CXXC1: variants seen among roughly 807,000 people sequenced by gnomAD.
The protein encoded by CXXC1 is CXXC finger protein 1.
CXXC1 carries 21 observed loss-of-function variants against 83.6 expected under a neutral mutation model. The ratio of observed to expected loss-of-function variants is 0.25; its 90% confidence interval spans 0.18 to 0.36. CXXC1 has a LOEUF of 0.36. CXXC1 is among the 10% of genes least tolerant of loss of function. The pLI, the probability that CXXC1 is intolerant of heterozygous loss-of-function variation, is 1.00. For missense variants in CXXC1, 688 were observed against 919.5 expected (o/e 0.75, Z 3.26); for synonymous variants, 371 against 337.5 (o/e 1.10, Z -1.09).
At chr18:50,283,096 G>T (rs1357878591) in intron 13 of CXXC1, 90 bp from the exon 14 acceptor site, 2 of 1,468,442 alleles carry the variant, frequency 1.4e-6, no homozygotes, top group Non-Finnish European at 1.9e-6. Context: ...AAGAATGGAG[G>T]GTTCAGGGAA....
Position 50,284,495 on chromosome 18 carries a change from C to G in CXXC1, c.1088G>C (p.Arg363Thr). 6.2e-7 allele frequency: 1 copy of G among 1,609,452 alleles called. No individual in the cohort carries two copies. The highest frequency in any genetic ancestry group is 1.7e-5 in the Admixed American group (1 of 59,226). ...KHKDKWKHPE[R>T]ADAKDPASLP... is the part of the protein sequence containing the mutation. ...TGACGCAGGGTCCTTGGCATCAGCC[C>G]TCTCTGGGTGTTTCCATTTATCCTT... is the stretch of plus-strand genomic sequence containing the variant. The change falls in exon 9 of 15, where the codon AGG becomes ACG. Residue 363 changes from arginine (R) to threonine (T), a missense_variant. Arg to Thr is a moderately conservative substitution (Grantham distance 71). Transcript: ENST00000285106.
chr18:50,283,492 C>A, intron 12 of CXXC1, 23 bp downstream of exon 12: 2 of 1,613,710 alleles, frequency 1.2e-6, no homozygotes, highest in East Asian at 2.2e-5. Flanking sequence ...CCCCACCTCT[C>A]ACTGCGTGGC....
intron 1 of CXXC1, 57 bp from the exon 2 acceptor site, chr18:50,286,915 C>T: frequency 1.6e-6 from 2 of 1,235,610 alleles, no homozygotes; most frequent in Non-Finnish European, 2.4e-6. Context: ...CGGCTCATCC[C>T]CCCATTACAA....
intron 1 of CXXC1, 124 bp downstream of exon 1, chr18:50,287,463 C>G (rs2040733833): frequency 2.5e-6 from 3 of 1,182,618 alleles, no homozygotes; most frequent in Non-Finnish European, 3.7e-6. Flanking sequence ...CCCATAGACT[C>G]CCGCCGTTCA....
Position 50,282,366 on chromosome 18 carries a change from A to AT in CXXC1, c.*226dup. 3.4e-6 allele frequency: 2 copies of AT among 580,544 alleles called. No homozygotes were observed. Among genetic ancestry groups the AT allele is most frequent in the Non-Finnish European group, 6.1e-6 (2 of 327,950 alleles). The allele number at this position is 580,544 out of a possible 1,614,324, so 36.0% of individuals were successfully genotyped here. Reference sequence around the variant, plus strand: ...GCTTCCTTGGTTTCTTCAAAATTTTATTAACAAAACCCAGGGAGAGGAGGC... The same window carrying AT: ...GCTTCCTTGGTTTCTTCAAAATTTTATTTAACAAAACCCAGGGAGAGGAGGC... On this transcript the variant is annotated 3_prime_UTR_variant, in exon 15 of 15. Transcript: ENST00000285106. This position sits in a 1 kb window ranked among gnomAD's most constrained non-coding sequence, Gnocchi z 5.8.
At position 50,285,281 on chromosome 18, in the gene CXXC1, G is replaced by A. The variant is rs767132955; in HGVS notation, c.667-34C>T. On this transcript the variant is annotated intron_variant, in intron 6 of 14. Transcript: ENST00000285106. This position sits in a 1 kb window ranked among gnomAD's most constrained non-coding sequence, Gnocchi z 4.4. ...CAGAATCTCAGGACTGGCCCTGACC[G>A]CCCTGCCCGCATGCCCCACCCCACC... 31 of 1,611,710 alleles carry A rather than the reference G, an allele frequency of 1.9e-5. No individual in the cohort carries two copies. The highest frequency in any genetic ancestry group is 2.2e-5 in the East Asian group (1 of 44,836).
Position 50,285,169 on chromosome 18 carries a change from G to C in CXXC1, c.745C>G (p.Gln249Glu), listed in dbSNP as rs934455956. The C allele has an allele frequency of 2.5e-6, 4 of 1,614,126 alleles. No individual in the cohort carries two copies. In the South Asian group the frequency reaches 3.3e-5, roughly 13 times the overall value. ...LPTQQQPQPS[Q>E]KLGRIREDEG... ...TCTTCACGGATGCGCCCTAACTTCTGTGATGGCTGTGGCTGCTGTTGGGTG... is the reference window on the plus strand; with the variant it reads ...TCTTCACGGATGCGCCCTAACTTCTCTGATGGCTGTGGCTGCTGTTGGGTG... Residue 249 changes from glutamine (Q) to glutamate (E), a missense_variant, in exon 7 of 15, where the codon CAG becomes GAG. Gln to Glu is a conservative substitution (Grantham distance 29). Transcript: ENST00000285106. The surrounding 1 kb of genome is among the most constrained non-coding windows in gnomAD (Gnocchi z 4.4).
Position 50,284,986 on chromosome 18 carries a change from G to A in CXXC1, c.912+16C>T. On this transcript the variant is annotated intron_variant, in intron 7 of 14. Coordinates refer to ENST00000285106, the MANE Select transcript of CXXC1 (RefSeq NM_014593.4). ...AACCTCCACCCTTCCACCAGTGGAT[G>A]CTCCTGTCTGCTCACCAGGCCATGG... The A allele has an allele frequency of 5.0e-6, 8 of 1,613,922 alleles. No homozygotes were observed. The highest frequency in any genetic ancestry group is 6.8e-6 in the Non-Finnish European group (8 of 1,179,838).
chr18:50,287,527 C>T (rs2040735203), intron 1 of CXXC1, 60 bp downstream of exon 1: 8 of 1,601,952 alleles, frequency 5.0e-6, no homozygotes, highest in Non-Finnish European at 6.8e-6. Context: ...GCCGACAGAC[C>T]CCACTGTTGC....
At position 50,284,676 on chromosome 18, in the gene CXXC1, C is replaced by T. The variant is rs768173331; in HGVS notation, c.1020+56G>A. 11 of 1,609,704 alleles carry T rather than the reference C, an allele frequency of 6.8e-6. No individual in the cohort carries two copies. In the South Asian group the frequency reaches 1.2e-4, roughly 18 times the overall value. On this transcript the variant is annotated intron_variant, in intron 8 of 14. Coordinates refer to ENST00000285106, the MANE Select transcript of CXXC1 (RefSeq NM_014593.4). ...TGCCCCATTCAGCCTCTGACCTCTG[C>T]CTCTCCCTCAACCCCACCCTCTGCC...
At position 50,284,367 on chromosome 18, in the gene CXXC1, G is replaced by A; in HGVS notation, c.1205+11C>T. 1.3e-6 allele frequency: 2 copies of A among 1,534,294 alleles called. No individual in the cohort carries two copies. The highest frequency in any genetic ancestry group is 1.7e-6 in the Non-Finnish European group (2 of 1,144,706). On this transcript the variant is annotated intron_variant, in intron 9 of 14. Transcript: ENST00000285106. Reference sequence around the variant, plus strand: ...TTCCTGACTCCCTTGAACCTCTCAGGAATGACTCACTTGGCTGCCAGCTTC... The same window carrying A: ...TTCCTGACTCCCTTGAACCTCTCAGAAATGACTCACTTGGCTGCCAGCTTC...
chr18:50,283,014 G>A lies in CXXC1; in HGVS notation c.1672-8C>T, dbSNP rs751751706. 1.9e-6 allele frequency: 3 copies of A among 1,613,658 alleles called. No individual in the cohort carries two copies. Among genetic ancestry groups the A allele is most frequent in the Admixed American group, 1.7e-5 (1 of 60,012 alleles). ...TACCTCGTCAGCTGGCACCTGCAAG[G>A]AGGCCAGGTTGGGGGGATGAATAGC... is the stretch of plus-strand genomic sequence containing the variant. On this transcript the variant is annotated splice_polypyrimidine_tract_variant and splice_region_variant and intron_variant, in intron 13 of 14. Coordinates refer to ENST00000285106, the MANE Select transcript of CXXC1 (RefSeq NM_014593.4).
Position 50,286,156 on chromosome 18 carries a change from G to A in CXXC1, c.325C>T (p.Arg109Cys), listed in dbSNP as rs377617994. 1.7e-5 allele frequency: 27 copies of A among 1,613,774 alleles called. No homozygotes were observed. In the South Asian group the frequency reaches 2.0e-4, roughly 12 times the overall value. ...SSEPRDEGGG[R>C]KRPVPDPDLQ... Reference sequence around the variant, plus strand: ...TCTGGATCAGGGACAGGCCTCTTGCGCCCTCCACCCTCATCCCGGGGCTCA... The same window carrying A: ...TCTGGATCAGGGACAGGCCTCTTGCACCCTCCACCCTCATCCCGGGGCTCA... Residue 109 changes from arginine to cysteine, a missense_variant, in exon 4 of 15, where the codon CGC becomes TGC. Arg to Cys is a radical substitution (Grantham distance 180). This residue lies in a region of CXXC1 where 142 missense variants were observed against 150.7 expected (regional missense o/e 0.94). Coordinates refer to ENST00000285106, the MANE Select transcript of CXXC1 (RefSeq NM_014593.4).
chr18:50,286,420 A>G (rs1332493364), intron 3 of CXXC1, 119 bp downstream of exon 3: 2 of 1,062,976 alleles, frequency 1.9e-6, no homozygotes, highest in Non-Finnish European at 2.8e-6. Context: ...ATTACTCACA[A>G]TGGAGCCCCA....
At chr18:50,286,427 C>G in intron 3 of CXXC1, 112 bp downstream of exon 3, 1 of 1,081,724 alleles carries the variant, frequency 9.2e-7, no homozygotes, top group Admixed American at 1.9e-5. Flanking sequence ...ACAATGGAGC[C>G]CCATTCCAGC....
chr18:50,284,611 G>A (rs1329741714), intron 8 of CXXC1, 49 bp from the exon 9 acceptor site: 12 of 1,586,334 alleles, frequency 7.6e-6, no homozygotes, highest in Non-Finnish European at 9.4e-6. Flanking sequence ...GTCAGCCCCA[G>A]ACCCCAGACC....
At position 50,282,601 on chromosome 18, in the gene CXXC1, C is replaced by T. The variant is rs749328626; in HGVS notation, c.1963G>A (p.Asp655Asn). 2 of 1,609,174 alleles carry T rather than the reference C, an allele frequency of 1.2e-6. No individual in the cohort carries two copies. Among genetic ancestry groups the T allele is most frequent in the Non-Finnish European group, 1.7e-6 (2 of 1,179,974 alleles). Residue 655 changes from aspartate to asparagine, a missense_variant, in exon 15 of 15, where the codon GAC becomes AAC. By Grantham distance (23) the Asp-to-Asn change is conservative. Coordinates refer to ENST00000285106, the MANE Select transcript of CXXC1 (RefSeq NM_014593.4). This position sits in a 1 kb window ranked among gnomAD's most constrained non-coding sequence, Gnocchi z 5.8. ...PLTTDLRSSA[D>N]R is the part of the protein sequence containing the mutation. ...GGTCCGGGCCAGGAGGCTCAGCGGT[C>T]GGCACTGGAGCGCAGGTCGGTAGTG... is the stretch of plus-strand genomic sequence containing the variant.
At position 50,285,270 on chromosome 18, in the gene CXXC1, T is replaced by C. The variant is rs374159333; in HGVS notation, c.667-23A>G. Reference sequence around the variant, plus strand: ...GAGCTGCAGGGCAGAATCTCAGGACTGGCCCTGACCGCCCTGCCCGCATGC... The same window carrying C: ...GAGCTGCAGGGCAGAATCTCAGGACCGGCCCTGACCGCCCTGCCCGCATGC... On this transcript the variant is annotated intron_variant, in intron 6 of 14. Transcript: ENST00000285106. The surrounding 1 kb of genome is among the most constrained non-coding windows in gnomAD (Gnocchi z 4.4). 17 of 1,613,464 alleles carry C rather than the reference T, an allele frequency of 1.1e-5. No individual in the cohort carries two copies. The African/African-American group carries it at 1.9e-4, about 18-fold the overall frequency.
intron 13 of CXXC1, 80 bp downstream of exon 13, chr18:50,283,185 G>A: frequency 7.4e-7 from 1 of 1,342,436 alleles, no homozygotes; most frequent in Non-Finnish European, 1.1e-6. Flanking sequence ...GGAAAAGTGA[G>A]GTGAGGAAGG....
Sources: gnomAD v4.1 joint callset for allele counts on GRCh38, gnomAD v4.1.1 for gene constraint, gnomAD v4.1.1 regional missense constraint, Gnocchi (gnomAD v3.1) non-coding constraint, MANE v1.5 for transcripts, NCBI Gene and HGNC (gene_info 2026-07-23, HGNC 2026-07-21) for gene names.